Variants in KIAA1549L observed in about 807,000 individuals in gnomAD.
KIAA1549L encodes the protein UPF0606 protein KIAA1549L.
A neutral mutation model predicts 160.7 loss-of-function variants in KIAA1549L; 88 were observed. That is an observed-to-expected ratio of 0.55 (90% CI 0.46 to 0.65). The LOEUF (loss-of-function observed/expected upper bound fraction) is 0.65, where lower values mean the gene tolerates loss of function less well. Among genes scored for constraint, KIAA1549L ranks in the 30% least tolerant of loss-of-function variants. KIAA1549L has a pLI of 0.00. For missense variants in KIAA1549L, 2,258 were observed against 2,437.5 expected, an observed-to-expected ratio of 0.93 and a Z score of 1.55; for synonymous variants, 950 against 976.7, an observed-to-expected ratio of 0.97 and a Z score of 0.51.
intron 4 of KIAA1549L, among the ~76,000 whole-genome samples, chr11:33,548,671 T>A (rs1854349327): frequency 6.6e-6 from 1 of 152,240 alleles, no homozygotes; most frequent in South Asian, 2.1e-4. Context: ...AAGTACTGTT[T>A]AATGAGTGCT....
At chr11:33,471,655 T>C (rs1386907432) in intron 1 of KIAA1549L, among the ~76,000 whole-genome samples, 1 of 152,228 alleles carries the variant, frequency 6.6e-6, no homozygotes, top group Non-Finnish European at 1.5e-5. Flanking sequence ...AGGTTTTCTC[T>C]AAGGTCTCTC....
intron 1 of KIAA1549L, among the ~76,000 whole-genome samples, chr11:33,391,157 C>A (rs762746373): frequency 6.6e-6 from 1 of 152,154 alleles, no homozygotes; most frequent in East Asian, 1.9e-4. Context: ...AGGCACTCAG[C>A]GATGCTTTAT....
chr11:33,473,394 C>T (rs1435150334), intron 1 of KIAA1549L, among the ~76,000 whole-genome samples: 1 of 152,124 alleles, frequency 6.6e-6, no homozygotes, highest in Non-Finnish European at 1.5e-5. Flanking sequence ...GGGATACTTC[C>T]TGGAGGAGGT....
At chr11:33,548,977 T>C (rs1854362048) in intron 4 of KIAA1549L, among the ~76,000 whole-genome samples, 1 of 152,268 alleles carries the variant, frequency 6.6e-6, no homozygotes, top group Non-Finnish European at 1.5e-5. Context: ...AAATGCATTA[T>C]ATGAGAGGCT....
chr11:33,391,409 T>C (rs1280909174), intron 1 of KIAA1549L, among the ~76,000 whole-genome samples: 1 of 152,186 alleles, frequency 6.6e-6, no homozygotes, highest in African/African-American at 2.4e-5. Context: ...GTAGATGTCT[T>C]TTAGTTGGAT....
intron 1 of KIAA1549L, among the ~76,000 whole-genome samples, chr11:33,454,913 C>G (rs1159384969): frequency 6.6e-6 from 1 of 152,062 alleles, no homozygotes; most frequent in Non-Finnish European, 1.5e-5. Context: ...CACGGTGAAA[C>G]CCCGTCTCTA....
chr11:33,466,171 A>G (rs1174273914), intron 1 of KIAA1549L, among the ~76,000 whole-genome samples: 2 of 152,234 alleles, frequency 1.3e-5, no homozygotes, highest in African/African-American at 4.8e-5. Flanking sequence ...AAGTATCATC[A>G]GAGTGAACAG....
chr11:33,474,776 A>G (rs913478274), intron 1 of KIAA1549L, among the ~76,000 whole-genome samples: 4 of 152,270 alleles, frequency 2.6e-5, no homozygotes, highest in Non-Finnish European at 1.5e-5. Flanking sequence ...ACACCTGCCA[A>G]ACGAAATGGC....
intron 1 of KIAA1549L, among the ~76,000 whole-genome samples, chr11:33,502,528 C>A (rs923588473): frequency 1.3e-5 from 2 of 152,138 alleles, no homozygotes; most frequent in Non-Finnish European, 2.9e-5. Context: ...CATTGGGTGC[C>A]ATTTGTCCTG....
chr11:33,548,263 G>A (rs1033238182), intron 4 of KIAA1549L, among the ~76,000 whole-genome samples: 1 of 152,114 alleles, frequency 6.6e-6, no homozygotes, highest in Non-Finnish European at 1.5e-5. Flanking sequence ...GCTGGGCGTG[G>A]TGGCAGGTGC....
chr11:33,513,761 G>A (rs1460782006), intron 1 of KIAA1549L, among the ~76,000 whole-genome samples: 2 of 152,184 alleles, frequency 1.3e-5, no homozygotes, highest in African/African-American at 4.8e-5. Context: ...TGGGCCAGTT[G>A]GCCACAGGGG....
chr11:33,585,285 G>A (rs990722681), intron 11 of KIAA1549L, among the ~76,000 whole-genome samples: 3 of 152,286 alleles, frequency 2.0e-5, no homozygotes, highest in South Asian at 2.1e-4. Flanking sequence ...TTGGGAGGCC[G>A]AGGCGGGCGG....
At chr11:33,642,496 C>T (rs556825374) in intron 16 of KIAA1549L, among the ~76,000 whole-genome samples, 1 of 151,956 alleles carries the variant, frequency 6.6e-6, no homozygotes, top group South Asian at 2.1e-4. Context: ...ACGCATGTGG[C>T]CTCTGCTGCT....
chr11:33,623,146 C>T (rs1183695254), intron 16 of KIAA1549L, among the ~76,000 whole-genome samples: 4 of 152,192 alleles, frequency 2.6e-5, no homozygotes, highest in Non-Finnish European at 1.5e-5. Context: ...CCTGCCCCAG[C>T]ACCTTACAGC....
Position 33,672,308 on chromosome 11 carries a change from C to T in KIAA1549L, c.*4154C>T, listed in dbSNP as rs1284133608. Reference sequence around the variant, plus strand: ...CCCACTCCACACAACCTTTCCTTTTCAGTACCCACCACGCTCTGACTAGCA... The same window carrying T: ...CCCACTCCACACAACCTTTCCTTTTTAGTACCCACCACGCTCTGACTAGCA... On this transcript the variant is annotated 3_prime_UTR_variant, in exon 21 of 21. Coordinates refer to ENST00000658780, the MANE Select transcript of KIAA1549L (RefSeq NM_012194.3). 6.6e-6 allele frequency: 1 copy of T among 152,360 alleles called. No homozygotes were observed. Among genetic ancestry groups the T allele is most frequent in the African/African-American group, 2.4e-5 (1 of 41,456 alleles). The allele number at this position is 152,360 out of a possible 1,614,324, so 9.4% of individuals were successfully genotyped here.
Position 33,568,116 on chromosome 11 carries a change from C to T in KIAA1549L, c.4119C>T (p.Asn1373=). Residue 1373 remains asparagine, a synonymous_variant, in exon 9 of 21, where the codon AAC becomes AAT. Transcript: ENST00000658780. Reference sequence around the variant, plus strand: ...ACAATTCGCTGGTGGGCCTGCACAACCAGAGCTTTGCCCGGGTCATGGAGC... The same window carrying T: ...ACAATTCGCTGGTGGGCCTGCACAATCAGAGCTTTGCCCGGGTCATGGAGC... The part of the protein sequence containing the change: ...GVDNSLVGLH[N]QSFARVMEQR... 2 of 1,612,832 alleles carry T rather than the reference C, an allele frequency of 1.2e-6. No individual in the cohort carries two copies. Among genetic ancestry groups the T allele is most frequent in the Non-Finnish European group, 1.7e-6 (2 of 1,179,480 alleles).
At chr11:33,388,584 GTATAA>G (rs1850217284) in intron 1 of KIAA1549L, among the ~76,000 whole-genome samples, 1 of 152,050 alleles carries the variant, frequency 6.6e-6, no homozygotes, top group South Asian at 2.1e-4. Flanking sequence ...GATATAAAAG[GTATAA>G]TATTCAGCAA....
chr11:33,420,354 G>T lies in KIAA1549L; in HGVS notation c.238+43465G>T, dbSNP rs59332330. ...AGCAACCCTCCCACCTCAGCTTCTA[G>T]AGTAGCTGGGACTACAGGCACAGTT... is the stretch of plus-strand genomic sequence containing the variant. On this transcript the variant is annotated intron_variant, in intron 1 of 20. Transcript: ENST00000658780. Among the ~76,000 whole-genome samples the T allele has an allele frequency of 3.3e-5, 5 of 150,184 alleles. 1 individual carries two copies. The highest frequency in any genetic ancestry group is 7.4e-5 in the Non-Finnish European group (5 of 67,794).
chr11:33,607,893 G>T (rs1043646619), intron 14 of KIAA1549L, among the ~76,000 whole-genome samples: 2 of 152,166 alleles, frequency 1.3e-5, no homozygotes, highest in Non-Finnish European at 2.9e-5. Flanking sequence ...AAAAATAACT[G>T]GTTGTGGACG....
Sources: gnomAD v4.1 joint callset for allele counts (sites outside exome capture counted in the v4.1 genomes callset) on GRCh38, gnomAD v4.1.1 for gene constraint, MANE v1.5 for transcripts, NCBI Gene and HGNC (gene_info 2026-07-23, HGNC 2026-07-21) for gene names.